Variants in AHCYL2 observed in about 807,000 individuals in gnomAD.
AHCYL2 encodes S-adenosylhomocysteine hydrolase-like protein 2.
Under a neutral mutation model 81.4 loss-of-function variants are expected in AHCYL2, and 28 were observed. The observed-to-expected ratio is 0.34, with a 90% confidence interval of 0.25 to 0.47. The LOEUF (loss-of-function observed/expected upper bound fraction) is 0.47. AHCYL2 is among the 20% of genes least tolerant of loss of function. AHCYL2 has a pLI of 1.00. For missense variants in AHCYL2, 551 were observed against 785.1 expected (o/e 0.70, Z 3.56); for synonymous variants, 272 against 290.2 (o/e 0.94, Z 0.64).
intron 12 of AHCYL2, among the ~76,000 whole-genome samples, chr7:129,417,311 G>A (rs1796906060): frequency 6.6e-6 from 1 of 152,196 alleles, no homozygotes; most frequent in African/African-American, 2.4e-5. Context: ...GAGAATGAGC[G>A]TAGGACAAGG....
At chr7:129,250,543 C>T (rs1039663221) in intron 1 of AHCYL2, among the ~76,000 whole-genome samples, 11 of 152,156 alleles carry the variant, frequency 7.2e-5, no homozygotes, top group African/African-American at 2.4e-4. Context: ...TTTCATATTA[C>T]ACTGTCTAGA....
At chr7:129,412,048 T>G (rs899163703) in intron 11 of AHCYL2, among the ~76,000 whole-genome samples, 5 of 152,046 alleles carry the variant, frequency 3.3e-5, no homozygotes, top group African/African-American at 1.2e-4. Flanking sequence ...ATATAGTAAC[T>G]TTGTTTTTAA....
At chr7:129,321,772 G>GTTTTTTTTTTTTTTTTTTTTTTTTTTTTT (rs1217148394) in intron 1 of AHCYL2, among the ~76,000 whole-genome samples, 4 of 114,418 alleles carry the variant, frequency 3.5e-5, no homozygotes, top group Non-Finnish European at 3.5e-5. Flanking sequence ...TTTGGTCTTG[G>GTTTTTTTTTTTTTTTTTTTTTTTTTTTTT]TTTTGTTTTT....
chr7:129,289,507 G>T (rs1306860929), intron 1 of AHCYL2, among the ~76,000 whole-genome samples: 1 of 152,120 alleles, frequency 6.6e-6, no homozygotes, highest in Non-Finnish European at 1.5e-5. Flanking sequence ...TTTATTAGCT[G>T]GAATACTTCT....
At chr7:129,321,743 G>GTTTTTTTTTTTTTTTTTTTTTTTTCTTT in intron 1 of AHCYL2, among the ~76,000 whole-genome samples, 2 of 77,628 alleles carry the variant, frequency 2.6e-5, no homozygotes, top group African/African-American at 4.6e-5. Context: ...TTCTTTCTTT[G>GTTTTTTTTTTTTTTTTTTTTTTTTCTTT]TTTTTTTTTT....
rs780604842 is a variant in AHCYL2, at chr7:129,413,700, T to C, written c.1461+12T>C. 8 of 1,610,064 alleles carry C rather than the reference T, an allele frequency of 5.0e-6. No individual in the cohort carries two copies. In the African/African-American group the frequency reaches 9.4e-5, roughly 19 times the overall value. On this transcript the variant is annotated intron_variant, in intron 12 of 16. Coordinates refer to ENST00000325006, the MANE Select transcript of AHCYL2 (RefSeq NM_015328.4). ...CAGAGATTGACGTGGTAAGATCAAG[T>C]AGCTCATTATTGGGGGCTTTTTTCT...
intron 1 of AHCYL2, among the ~76,000 whole-genome samples, chr7:129,243,167 C>T (rs1157899459): frequency 6.6e-6 from 1 of 151,574 alleles, no homozygotes; most frequent in African/African-American, 2.4e-5. Flanking sequence ...ATTACAGGCG[C>T]CTGCCACTGT....
In AHCYL2 at chr7:129,406,712, C is replaced by T. The variant is rs1345637834; in HGVS notation, c.1295+246C>T. 6.6e-6 allele frequency among the ~76,000 whole-genome samples: 1 copy of T among 152,130 alleles called. No individual in the cohort carries two copies. The highest frequency in any genetic ancestry group is 1.5e-5 in the Non-Finnish European group (1 of 68,024). On this transcript the variant is annotated intron_variant, in intron 10 of 16. Transcript: ENST00000325006. This position sits in a 1 kb window ranked among gnomAD's most constrained non-coding sequence, Gnocchi z 4.3. ...ATTCTGTCAGCCAGAGAACAGGTAG[C>T]CCCTTACCTTCTCCATGTATGATAC...
At chr7:129,420,477 CTTT>C (rs11414828) in intron 12 of AHCYL2, among the ~76,000 whole-genome samples, 14 of 126,808 alleles carry the variant, frequency 1.1e-4, no homozygotes, top group Non-Finnish European at 1.3e-4. Context: ...TGCTTAAATT[CTTT>C]TTTTTTTTTT....
chr7:129,237,593 T>G (rs1563161607), intron 1 of AHCYL2, among the ~76,000 whole-genome samples: 1 of 152,136 alleles, frequency 6.6e-6, no homozygotes, highest in Admixed American at 6.5e-5. Context: ...GTTTATGTTT[T>G]GACGGAAATT....
chr7:129,270,222 G>A (rs186962178), intron 1 of AHCYL2, among the ~76,000 whole-genome samples: 31 of 152,180 alleles, frequency 2.0e-4, no homozygotes, highest in East Asian at 1.7e-3. Context: ...CTAATGTAAC[G>A]TCAGTTGTGT....
At chr7:129,287,496 G>T (rs1237692755) in intron 1 of AHCYL2, among the ~76,000 whole-genome samples, 2 of 152,208 alleles carry the variant, frequency 1.3e-5, no homozygotes, top group Non-Finnish European at 2.9e-5. Flanking sequence ...CCGGGAGTAA[G>T]TCTCAGTTTA....
intron 12 of AHCYL2, among the ~76,000 whole-genome samples, chr7:129,420,535 A>G (rs1012550688): frequency 1.4e-5 from 2 of 142,664 alleles, no homozygotes; most frequent in Non-Finnish European, 3.0e-5. Flanking sequence ...ACTGGAGTGC[A>G]GTGGCACAAT....
At chr7:129,246,488 C>G (rs985289838) in intron 1 of AHCYL2, among the ~76,000 whole-genome samples, 43 of 152,192 alleles carry the variant, frequency 2.8e-4, no homozygotes, top group African/African-American at 1.0e-3. Flanking sequence ...TACTGATCAG[C>G]TTTCTTTCTG....
chr7:129,294,925 T>C (rs966539876), intron 1 of AHCYL2, among the ~76,000 whole-genome samples: 1 of 152,230 alleles, frequency 6.6e-6, no homozygotes, highest in Non-Finnish European at 1.5e-5. Context: ...GTGTTGAATG[T>C]GTGTTTGCTG....
chr7:129,401,716 T>G (rs1289085629), intron 6 of AHCYL2, among the ~76,000 whole-genome samples: 1 of 152,176 alleles, frequency 6.6e-6, no homozygotes, highest in Non-Finnish European at 1.5e-5. Context: ...GAAGCAGATA[T>G]GCCAGGGGGT....
At chr7:129,263,102 G>A (rs1407769853) in intron 1 of AHCYL2, among the ~76,000 whole-genome samples, 2 of 152,192 alleles carry the variant, frequency 1.3e-5, no homozygotes, top group Non-Finnish European at 2.9e-5. Context: ...CCTTCCTTAT[G>A]ACATACTATA....
At position 129,400,203 on chromosome 7, in the gene AHCYL2, T is replaced by G. The variant is rs879107931; in HGVS notation, c.824-87T>G. On this transcript the variant is annotated intron_variant, in intron 5 of 16. Coordinates refer to ENST00000325006, the MANE Select transcript of AHCYL2 (RefSeq NM_015328.4). ...ATAGCAGAATGAGAGAGTTGGAAAT[T>G]AGGAAAAACCAGAATCTTCTCACTA... The G allele has an allele frequency of 5.9e-6, 7 of 1,181,480 alleles. No homozygotes were observed. In the South Asian group the frequency reaches 9.5e-5, roughly 16 times the overall value. The allele number at this position is 1,181,480 out of a possible 1,614,324, so 73.2% of individuals were successfully genotyped here.
At chr7:129,246,920 T>C (rs561599772) in intron 1 of AHCYL2, among the ~76,000 whole-genome samples, 1 of 152,368 alleles carries the variant, frequency 6.6e-6, no homozygotes, top group Non-Finnish European at 1.5e-5. Flanking sequence ...TTTTTATTGC[T>C]GAGTAGTATT....
Sources: allele counts gnomAD v4.1 joint callset (sites outside exome capture counted in the v4.1 genomes callset), GRCh38; gene constraint gnomAD v4.1.1; non-coding constraint Gnocchi (gnomAD v3.1); transcripts MANE v1.5; gene names NCBI Gene and HGNC (gene_info 2026-07-23, HGNC 2026-07-21).